The following COL9A2 variants were observed in gnomAD, a reference collection of about 807,000 sequenced individuals.
COL9A2 encodes collagen alpha-2(IX) chain.
Under a neutral mutation model 111.6 loss-of-function variants are expected in COL9A2, and 66 were observed. The observed-to-expected ratio is 0.59, with a 90% CI of 0.48 to 0.73. COL9A2 has a LOEUF of 0.73. Among genes scored for constraint, COL9A2 ranks in the 30% least tolerant of loss-of-function variants. The pLI is 0.00. For missense variants in COL9A2, 881 were observed against 954.1 expected (o/e 0.92, Z 1.01); for synonymous variants, 353 against 364.1 (o/e 0.97, Z 0.35).
chr1:40,304,109 G>T lies in COL9A2; in HGVS notation c.1288-10C>A. ...TCTTCCCTGGGGAGCCCTGGAGAAA[G>T]CGGGCAGTGAGGGGTTTGGCGAGCT... On this transcript the variant is annotated splice_polypyrimidine_tract_variant and intron_variant, in intron 24 of 31. Transcript: ENST00000372748. 2 of 1,553,786 alleles carry T rather than the reference G, an allele frequency of 1.3e-6. No individual in the cohort carries two copies. The highest frequency in any genetic ancestry group is 8.7e-7 in the Non-Finnish European group (1 of 1,150,392).
chr1:40,302,840 A>G lies in COL9A2; in HGVS notation c.1604-31T>C, dbSNP rs1643936623. On this transcript the variant is annotated intron_variant, in intron 29 of 31. Transcript: ENST00000372748. This position sits in a 1 kb window ranked among gnomAD's most constrained non-coding sequence, Gnocchi z 4.5. The stretch of plus-strand genomic sequence containing the variant: ...GGGAGGGAGGGAGGGAGGGAGAGGG[A>G]AGTCTATGAGATGGGTGTCAGCAGT... 2 of 1,533,952 alleles carry G rather than the reference A, an allele frequency of 1.3e-6. No homozygotes were observed. Among genetic ancestry groups the G allele is most frequent in the South Asian group, 2.4e-5 (2 of 83,738 alleles).
In COL9A2 at chr1:40,314,241, A is replaced by T. The variant is rs1390656581; in HGVS notation, c.213T>A (p.Ala71=). ...PPGPKGEPGK[A]GPDGPDGKPG... is the part of the protein sequence containing the mutation. ...GCTTCCCGTCTGGCCCATCTGGCCC[A>T]GCTTTGCCAGGCTCGCCCTTGGGTC... The change falls in exon 4 of 32, where the codon GCT becomes GCA. Residue 71 remains alanine (A), a synonymous_variant. Transcript: ENST00000372748. This position sits in a 1 kb window ranked among gnomAD's most constrained non-coding sequence, Gnocchi z 4.1. 16 of 1,614,110 alleles carry T rather than the reference A, an allele frequency of 9.9e-6. No individual in the cohort carries two copies. The highest frequency in any genetic ancestry group is 1.2e-5 in the Non-Finnish European group (14 of 1,180,058).
intron 2 of COL9A2, among the ~76,000 whole-genome samples, chr1:40,315,063 C>T (rs1274155532): frequency 6.6e-6 from 1 of 152,162 alleles, no homozygotes; most frequent in African/African-American, 2.4e-5. Flanking sequence ...GAAGTCTGTC[C>T]AGACTGGTAA....
intron 22 of COL9A2, 26 bp downstream of exon 22, chr1:40,304,768 G>A: frequency 6.5e-7 from 1 of 1,541,116 alleles, no homozygotes; most frequent in East Asian, 2.5e-5. Context: ...GGCCCCCGGG[G>A]AGGGGCCATT....
Position 40,312,212 on chromosome 1 carries a change from C to T in COL9A2, c.364-100G>A. 14 of 926,202 alleles carry T rather than the reference C, an allele frequency of 1.5e-5. No individual in the cohort carries two copies. The highest frequency in any genetic ancestry group is 4.8e-5 in the South Asian group (3 of 63,002). The allele number at this position is 926,202 out of a possible 1,614,324, so 57.4% of individuals were successfully genotyped here. ...CCCAAAGCCCGTTTCTCCACTTTTA[C>T]TTTTTTTTTTTTTTTGCCAACCCCA... On this transcript the variant is annotated intron_variant, in intron 7 of 31. Coordinates refer to ENST00000372748, the MANE Select transcript of COL9A2 (RefSeq NM_001852.4). The surrounding 1 kb of genome is among the most constrained non-coding windows in gnomAD (Gnocchi z 6.0).
rs907207880 is a variant in COL9A2 at position 40,309,650 on chromosome 1, A to T, written c.846+288T>A. On this transcript the variant is annotated intron_variant, in intron 16 of 31. Transcript: ENST00000372748. ...TGGGCAGACACACACACACTCACTC[A>T]CACACACATACATACACTCACAGTC... Among the ~76,000 whole-genome samples, 5 of 151,876 alleles carry T rather than the reference A, an allele frequency of 3.3e-5. No homozygotes were observed. In the South Asian group the frequency reaches 1.0e-3, roughly 32 times the overall value.
chr1:40,314,356 G>C lies in COL9A2; in HGVS notation c.182C>G (p.Pro61Arg). The C allele has an allele frequency of 6.2e-7, 1 of 1,614,204 alleles. No individual in the cohort carries two copies. The highest frequency in any genetic ancestry group is 8.5e-7 in the Non-Finnish European group (1 of 1,180,032). ...GDNGPPGKAG[P>R]PGPKGEPGKA... ...CAAAGAGGATAAAGCACTCACCGGA[G>C]GGCCAGCTTTTCCAGGGGGCCCATT... The change falls in exon 3 of 32, where the codon CCT (proline) becomes CGT (arginine). Residue 61 changes from proline to arginine, a missense_variant. Pro to Arg is a moderately radical substitution (Grantham distance 103, BLOSUM62 -2). Coordinates refer to ENST00000372748, the MANE Select transcript of COL9A2 (RefSeq NM_001852.4). The surrounding 1 kb of genome is among the most constrained non-coding windows in gnomAD (Gnocchi z 4.1).
intron 17 of COL9A2, 151 bp downstream of exon 17, chr1:40,308,041 G>A (rs1298417610): frequency 1.3e-6 from 1 of 787,812 alleles, no homozygotes; most frequent in African/African-American, 1.7e-5. Context: ...AAGAAACTGA[G>A]GCACAGAAAG....
rs1362451139 is a variant in COL9A2, at chr1:40,311,053, C to T, written c.630+40G>A. On this transcript the variant is annotated intron_variant, in intron 12 of 31. Coordinates refer to ENST00000372748, the MANE Select transcript of COL9A2 (RefSeq NM_001852.4). This position sits in a 1 kb window ranked among gnomAD's most constrained non-coding sequence, Gnocchi z 5.1. ...GGACAGAGCCCTGTAGGACCATCTC[C>T]ACGTATCCCTGACCCACAGCCCTCA... 7 of 1,611,560 alleles carry T rather than the reference C, an allele frequency of 4.3e-6. No individual in the cohort carries two copies. Among genetic ancestry groups the T allele is most frequent in the Non-Finnish European group, 5.9e-6 (7 of 1,178,224 alleles).
Position 40,314,175 on chromosome 1 carries a change from C to T in COL9A2, c.249+30G>A. ...CTGGAGGTCAATTGGCAGAGCCCTACCCTGCCCCACCCGACACTCAGCTAC... is the reference window on the plus strand; with the variant it reads ...CTGGAGGTCAATTGGCAGAGCCCTATCCTGCCCCACCCGACACTCAGCTAC... On this transcript the variant is annotated intron_variant, in intron 4 of 31. Coordinates refer to ENST00000372748, the MANE Select transcript of COL9A2 (RefSeq NM_001852.4). The surrounding 1 kb of genome is among the most constrained non-coding windows in gnomAD (Gnocchi z 4.1). 6.2e-7 allele frequency: 1 copy of T among 1,613,208 alleles called. No homozygotes were observed. Among genetic ancestry groups the T allele is most frequent in the East Asian group, 2.2e-5 (1 of 44,886 alleles).
At position 40,310,550 on chromosome 1, in the gene COL9A2, T is replaced by A. The variant is rs928697633; in HGVS notation, c.684+164A>T. 2.0e-5 allele frequency among the ~76,000 whole-genome samples: 3 copies of A among 152,188 alleles called. No individual in the cohort carries two copies. Among genetic ancestry groups the A allele is most frequent in the Non-Finnish European group, 2.9e-5 (2 of 68,034 alleles). On this transcript the variant is annotated intron_variant, in intron 13 of 31. Transcript: ENST00000372748. The surrounding 1 kb of genome is among the most constrained non-coding windows in gnomAD (Gnocchi z 4.9). ...TTCTTGCTGACAGCTTTGGTTCCTGTCCCTCATTCCTGACAATTTCAGCCT... is the reference window on the plus strand; with the variant it reads ...TTCTTGCTGACAGCTTTGGTTCCTGACCCTCATTCCTGACAATTTCAGCCT...
At position 40,303,547 on chromosome 1, in the gene COL9A2, C is replaced by G; in HGVS notation, c.1531G>C (p.Gly511Arg). Residue 511 changes from glycine to arginine, a missense_variant, in exon 28 of 32, where the codon GGG becomes CGG. Physicochemically the swap from Gly to Arg is moderately radical, Grantham distance 125. Coordinates refer to ENST00000372748, the MANE Select transcript of COL9A2 (RefSeq NM_001852.4). The surrounding 1 kb of genome is among the most constrained non-coding windows in gnomAD (Gnocchi z 4.6). ...AGNRGVPGQP[G>R]RQGVEGRDAT... The stretch of plus-strand genomic sequence containing the variant: ...CGACTCACCTCCACGCCCTGTCTCC[C>G]GGGCTGTCCTGGCACGCCTCGGTTC... 2 of 1,612,170 alleles carry G rather than the reference C, an allele frequency of 1.2e-6. No homozygotes were observed. Among genetic ancestry groups the G allele is most frequent in the Non-Finnish European group, 1.7e-6 (2 of 1,179,666 alleles).
intron 17 of COL9A2, 150 bp downstream of exon 17, chr1:40,308,042 G>A: frequency 1.3e-6 from 1 of 791,484 alleles, no homozygotes; most frequent in Non-Finnish European, 2.1e-6. Flanking sequence ...AGAAACTGAG[G>A]CACAGAAAGG....
rs1051682004 is a variant in COL9A2 at position 40,311,423 on chromosome 1, C to A, written c.519+77G>T. On this transcript the variant is annotated intron_variant, in intron 10 of 31. Coordinates refer to ENST00000372748, the MANE Select transcript of COL9A2 (RefSeq NM_001852.4). The surrounding 1 kb of genome is among the most constrained non-coding windows in gnomAD (Gnocchi z 5.1). ...CCCTCCCCATCTCTCCAGACACCCC[C>A]ATCTCCGTGGCCCCGCCTCCCCATC... 4.4e-6 allele frequency: 7 copies of A among 1,589,370 alleles called. No homozygotes were observed. In the South Asian group the frequency reaches 6.7e-5, roughly 15 times the overall value.
At position 40,311,681 on chromosome 1, in the gene COL9A2, G is replaced by C. The variant is rs1644130625; in HGVS notation, c.452C>G (p.Pro151Arg). Residue 151 changes from proline (P) to arginine (R), a missense_variant, in exon 9 of 32, where the codon CCA becomes CGA. Physicochemically the swap from Pro to Arg is moderately radical, Grantham distance 103. Transcript: ENST00000372748. This position sits in a 1 kb window ranked among gnomAD's most constrained non-coding sequence, Gnocchi z 5.1. ...DPGPDGPSGPPGPPGKPGRPG... is the reference protein window; with the variant it reads ...DPGPDGPSGPRGPPGKPGRPG... ...ACTTACAGGTTTCCCAGGGGGTCCT[G>C]GGGGCCCCGATGGTCCATCTGGTCC... 5 of 1,613,882 alleles carry C rather than the reference G, an allele frequency of 3.1e-6. No individual in the cohort carries two copies. Among genetic ancestry groups the C allele is most frequent in the Non-Finnish European group, 3.4e-6 (4 of 1,179,848 alleles).
chr1:40,315,416 T>A (rs1644202626), intron 2 of COL9A2, 174 bp downstream of exon 2: 1 of 1,428,244 alleles, frequency 7.0e-7, no homozygotes, highest in Non-Finnish European at 9.2e-7. Flanking sequence ...AGGGCTGGTT[T>A]GAGGTTTTTG....
At position 40,308,149 on chromosome 1, in the gene COL9A2, G is replaced by A. The variant is rs762303605; in HGVS notation, c.900+43C>T. ...CTGGGGGTTTGGACAAAGCAGCTGGGCCCTGGCCTCTGTCCTGGTGGGCCT... is the reference window on the plus strand; with the variant it reads ...CTGGGGGTTTGGACAAAGCAGCTGGACCCTGGCCTCTGTCCTGGTGGGCCT... On this transcript the variant is annotated intron_variant, in intron 17 of 31. Transcript: ENST00000372748. 4.4e-6 allele frequency: 7 copies of A among 1,589,950 alleles called. No individual in the cohort carries two copies. In the Admixed American group the frequency reaches 1.2e-4, roughly 26 times the overall value.
intron 21 of COL9A2, 73 bp from the exon 22 acceptor site, chr1:40,304,920 C>G (rs1004738543): frequency 1.5e-6 from 2 of 1,359,394 alleles, no homozygotes; most frequent in African/African-American, 2.9e-5. Flanking sequence ...GCCAGCCCCT[C>G]CCTACCCTGG....
Position 40,302,761 on chromosome 1 carries a change from G to T in COL9A2, c.1652C>A (p.Ala551Glu). The change falls in exon 30 of 32, where the codon GCG becomes GAG. Residue 551 changes from alanine (A) to glutamate (E), a missense_variant. Ala to Glu is a moderately radical substitution (Grantham distance 107). Coordinates refer to ENST00000372748, the MANE Select transcript of COL9A2 (RefSeq NM_001852.4). This position sits in a 1 kb window ranked among gnomAD's most constrained non-coding sequence, Gnocchi z 4.5. ...TCCTGGAGGACCCATCATGCCCACC[G>T]CACCCAGGGCTTCCCGCTTGGCACT... ...AVSAKREALG[A>E]VGMMGPPGPP... 1 of 1,314,920 alleles carries T rather than the reference G, an allele frequency of 7.6e-7. No individual in the cohort carries two copies. The highest frequency in any genetic ancestry group is 1.0e-6 in the Non-Finnish European group (1 of 996,678). The allele number at this position is 1,314,920 out of a possible 1,614,324, so 81.5% of individuals were successfully genotyped here.
Sources: allele counts gnomAD v4.1 joint callset (sites outside exome capture counted in the v4.1 genomes callset), GRCh38; gene constraint gnomAD v4.1.1; non-coding constraint Gnocchi (gnomAD v3.1); transcripts MANE v1.5; gene names NCBI Gene and HGNC (gene_info 2026-07-23, HGNC 2026-07-21).